FAM185A: variants seen among roughly 807,000 people sequenced by gnomAD.
FAM185A encodes the protein family with sequence similarity 185 member A.
In FAM185A, 21 loss-of-function variants were observed where a neutral mutation model predicts 45.7. The observed-to-expected ratio is 0.46, with a 90% confidence interval of 0.33 to 0.66. The LOEUF is 0.66. Ranked by LOEUF, FAM185A falls within the 30% of genes least tolerant of loss-of-function variation. FAM185A has a pLI of 0.03. For synonymous variants in FAM185A, 117 were observed against 194.0 expected (o/e 0.60, Z 3.30); for missense variants, 305 against 485.4 (o/e 0.63, Z 3.49).
chr7:102,749,825 G>A (rs976679461), intron 1 of FAM185A, among the ~76,000 whole-genome samples, 167 bp downstream of exon 1: 7 of 152,184 alleles, frequency 4.6e-5, no homozygotes, highest in Non-Finnish European at 1.5e-5. Context: ...GAGTGTCCGA[G>A]TAGTATTTAA....
intron 4 of FAM185A, among the ~76,000 whole-genome samples, chr7:102,768,302 TTGATCATAC>T (rs1481563215): frequency 6.8e-6 from 1 of 147,638 alleles, no homozygotes; most frequent in Non-Finnish European, 1.5e-5. Flanking sequence ...ATCAGAGCCT[TTGATCATAC>T]TGATCATACT....
intron 6 of FAM185A, among the ~76,000 whole-genome samples, chr7:102,785,628 T>G (rs369576535): frequency 2.0e-5 from 3 of 151,376 alleles, no homozygotes; most frequent in Non-Finnish European, 4.4e-5. Flanking sequence ...GCTAGCCATA[T>G]GTAGAAAGCT....
chr7:102,826,082 G>T, the FAM185A span, among the ~76,000 whole-genome samples: 3 of 152,112 alleles, frequency 2.0e-5, no homozygotes, highest in Non-Finnish European at 4.4e-5. Flanking sequence ...ATACAAAAGA[G>T]AACTTGACTG....
Position 102,749,487 on chromosome 7 carries a change from A to C in FAM185A, c.280A>C (p.Thr94Pro). 6.5e-7 allele frequency: 1 copy of C among 1,538,758 alleles called. No homozygotes were observed. The highest frequency in any genetic ancestry group is 8.8e-7 in the Non-Finnish European group (1 of 1,142,276). ...GGCCGTGAGGCCCCTGGACCCCCTCACCTACCCGGATGGCGACCGCGTGCT... is the reference window on the plus strand; with the variant it reads ...GGCCGTGAGGCCCCTGGACCCCCTCCCCTACCCGGATGGCGACCGCGTGCT... Reference protein sequence around the residue: ...HLAVRPLDPLTYPDGDRVLVA... With the variant: ...HLAVRPLDPLPYPDGDRVLVA... The change falls in exon 1 of 8, where the codon ACC (threonine) becomes CCC (proline). Residue 94 changes from threonine to proline, a missense_variant. Coordinates refer to ENST00000413034, the MANE Select transcript of FAM185A (RefSeq NM_001145268.2).
chr7:102,826,724 CATATATATATAT>C, the FAM185A span, among the ~76,000 whole-genome samples: 8,208 of 62,746 alleles, frequency 0.13, 969 homozygotes, highest in East Asian at 0.3. Context: ...GACCCTGTCT[CATATATATATAT>C]ATATATATAT....
At chr7:102,810,144 TCA>T (rs1409979515), downstream of FAM185A, among the ~76,000 whole-genome samples, 1 of 152,212 alleles carries the variant, frequency 6.6e-6, no homozygotes, top group Non-Finnish European at 1.5e-5. Flanking sequence ...TCTTTAGAAA[TCA>T]CCCAGCTTCA....
the FAM185A span, among the ~76,000 whole-genome samples, chr7:102,814,743 C>T: frequency 1.7e-3 from 258 of 152,314 alleles, no homozygotes; most frequent in African/African-American, 6.0e-3. Flanking sequence ...TTATTCTCTT[C>T]AGAGAAATAT....
the FAM185A span, chr7:102,833,067 C>T: frequency 1.5e-6 from 2 of 1,347,016 alleles, no homozygotes; most frequent in Non-Finnish European, 2.0e-6. Flanking sequence ...ATTTCAGTCC[C>T]TGAAATACAG....
intron 6 of FAM185A, among the ~76,000 whole-genome samples, chr7:102,785,503 C>T (rs1481590871): frequency 1.3e-5 from 2 of 152,030 alleles, no homozygotes; most frequent in Non-Finnish European, 2.9e-5. Context: ...TGGAACAGAA[C>T]AGAGCCCTCA....
intron 6 of FAM185A, among the ~76,000 whole-genome samples, chr7:102,785,487 G>T (rs1795729125): frequency 6.6e-6 from 1 of 152,144 alleles, no homozygotes; most frequent in Admixed American, 6.5e-5. Context: ...CAGAGATACA[G>T]ATCAATGGAA....
At chr7:102,847,629 T>G in the FAM185A span, among the ~76,000 whole-genome samples, 1 of 151,832 alleles carries the variant, frequency 6.6e-6, no homozygotes, top group East Asian at 1.9e-4. Flanking sequence ...TGGGTTCCAG[T>G]GATTCTCCTG....
intron 7 of FAM185A, among the ~76,000 whole-genome samples, chr7:102,794,712 A>G (rs1796343884): frequency 2.0e-5 from 3 of 152,256 alleles, no homozygotes; most frequent in Admixed American, 2.0e-4. Context: ...CCTGTACACA[A>G]ATGTTCATAG....
chr7:102,809,702 A>C (rs1584379642), downstream of FAM185A, among the ~76,000 whole-genome samples: 2 of 152,144 alleles, frequency 1.3e-5, no homozygotes, highest in East Asian at 1.9e-4. Flanking sequence ...ACTCCGTCTC[A>C]AAAAAATTAA....
At chr7:102,819,619 T>A in the FAM185A span, among the ~76,000 whole-genome samples, 9 of 152,194 alleles carry the variant, frequency 5.9e-5, no homozygotes, top group African/African-American at 2.2e-4. Context: ...ATTGTTTTCA[T>A]GTTCAAAATG....
chr7:102,789,693 C>A (rs1397684968), intron 7 of FAM185A, among the ~76,000 whole-genome samples: 2 of 152,260 alleles, frequency 1.3e-5, no homozygotes, highest in African/African-American at 4.8e-5. Flanking sequence ...TGAGCAAGAG[C>A]GAGACTCCCT....
chr7:102,772,027 T>TA (rs767106487), intron 4 of FAM185A, among the ~76,000 whole-genome samples: 21 of 145,298 alleles, frequency 1.4e-4, no homozygotes, highest in Non-Finnish European at 3.0e-4. Flanking sequence ...ATTTTAGTGT[T>TA]ACTTGGTTGA....
chr7:102,834,432 TTA>T, the FAM185A span, among the ~76,000 whole-genome samples: 2 of 132,348 alleles, frequency 1.5e-5, no homozygotes, highest in Admixed American at 7.4e-5. Context: ...ATATGTGTGA[TTA>T]TATATATTAT....
At chr7:102,827,771 G>A in the FAM185A span, among the ~76,000 whole-genome samples, 2 of 152,016 alleles carry the variant, frequency 1.3e-5, no homozygotes, top group Non-Finnish European at 2.9e-5. Context: ...GTGAGAACAT[G>A]CAGTGTTTGG....
At chr7:102,833,912 A>G in the FAM185A span, among the ~76,000 whole-genome samples, 1 of 151,942 alleles carries the variant, frequency 6.6e-6, no homozygotes, top group Non-Finnish European at 1.5e-5. Context: ...TGAGGAAATA[A>G]CACTTAAAAG....
Sources: allele counts gnomAD v4.1 joint callset (sites outside exome capture counted in the v4.1 genomes callset), GRCh38; gene constraint gnomAD v4.1.1; transcripts MANE v1.5; gene names NCBI Gene and HGNC (gene_info 2026-07-23, HGNC 2026-07-21).